TMC1: variants seen among roughly 807,000 people sequenced by gnomAD.
TMC1 encodes the protein transmembrane channel like 1, also known as transmembrane channel-like protein 1.
A neutral mutation model predicts 105.8 loss-of-function variants in TMC1; 84 were observed. The ratio of observed to expected loss-of-function variants is 0.79; its 90% confidence interval spans 0.67 to 0.95. TMC1 has a LOEUF of 0.95. Among genes scored for constraint, TMC1 ranks in the 40% least tolerant of loss-of-function variants. TMC1 has a pLI of 0.00. For missense variants in TMC1, 817 were observed against 914.1 expected, an observed-to-expected ratio of 0.89 and a Z score of 1.37; for synonymous variants, 315 against 311.5, an observed-to-expected ratio of 1.01 and a Z score of -0.12.
intron 1 of TMC1, among the ~76,000 whole-genome samples, chr9:72,528,527 T>A (rs956074990): frequency 6.6e-6 from 1 of 151,954 alleles, no homozygotes; most frequent in African/African-American, 2.4e-5. Flanking sequence ...AGAGACAGGG[T>A]TTCTCCATGT....
At chr9:72,725,744 G>T (rs1827113444) in intron 8 of TMC1, among the ~76,000 whole-genome samples, 1 of 151,966 alleles carries the variant, frequency 6.6e-6, no homozygotes, top group Admixed American at 6.6e-5. Context: ...AGGCTGGAGT[G>T]CAGTGGCACG....
intron 4 of TMC1, among the ~76,000 whole-genome samples, chr9:72,634,151 G>C (rs1302526627): frequency 6.6e-6 from 1 of 152,170 alleles, no homozygotes; most frequent in African/African-American, 2.4e-5. Context: ...TATCCAAACT[G>C]TCTTCGCATG....
chr9:72,730,224 T>A (rs191606839), intron 8 of TMC1, among the ~76,000 whole-genome samples: 25 of 152,272 alleles, frequency 1.6e-4, no homozygotes, highest in Non-Finnish European at 1.6e-4. Context: ...ATAATTCTTG[T>A]TTTTATGGCC....
At chr9:72,673,900 A>G (rs1419568097) in intron 5 of TMC1, among the ~76,000 whole-genome samples, 1 of 152,168 alleles carries the variant, frequency 6.6e-6, no homozygotes, top group African/African-American at 2.4e-5. Context: ...AAGAGGAGGA[A>G]ATATTTCCCA....
rs539020387 is a variant in TMC1 at position 72,671,154 on chromosome 9, T to C, written c.17-17555T>C. Reference sequence around the variant, plus strand: ...AGGTTTGATGAAGAATGGATAGTCATGGAGAAATATAATGGGGCATATAAT... The same window carrying C: ...AGGTTTGATGAAGAATGGATAGTCACGGAGAAATATAATGGGGCATATAAT... On this transcript the variant is annotated intron_variant, in intron 5 of 23. Transcript: ENST00000297784. Among the ~76,000 whole-genome samples, 4 of 152,320 alleles carry C rather than the reference T, an allele frequency of 2.6e-5. No individual in the cohort carries two copies. In the East Asian group the frequency reaches 7.7e-4, roughly 29 times the overall value.
intron 8 of TMC1, among the ~76,000 whole-genome samples, chr9:72,731,165 T>C (rs972817672): frequency 4.6e-5 from 7 of 152,238 alleles, no homozygotes; most frequent in African/African-American, 1.7e-4. Flanking sequence ...CTGATGTCCA[T>C]TCATTCAATT....
rs73649749 is a variant in TMC1, at chr9:72,552,560, G to A, written c.-427-25342G>A. Among the ~76,000 whole-genome samples the A allele has an allele frequency of 2.1e-3, 326 of 152,230 alleles. 2 individuals carry two copies. Among genetic ancestry groups the A allele is most frequent in the African/African-American group, 7.6e-3 (315 of 41,540 alleles). On this transcript the variant is annotated intron_variant, in intron 1 of 23. Coordinates refer to ENST00000297784, the MANE Select transcript of TMC1 (RefSeq NM_138691.3). ...CCTTGGACTTTGTCAGGACACTCTG[G>A]TTACAGCACAACTTTGTGAACATGG...
At position 72,742,482 on chromosome 9, in the gene TMC1, A is replaced by G; in HGVS notation, c.492A>G (p.Lys164=). The change falls in exon 10 of 24, where the codon AAA becomes AAG. Residue 164 remains lysine (K), a synonymous_variant. Coordinates refer to ENST00000297784, the MANE Select transcript of TMC1 (RefSeq NM_138691.3). ...TCCTCCGTGATTTTGAGAACTTCAA[A>G]GCTGCGTGTGTCCCATGGGAAAATA... ...AKFLRDFENF[K]AACVPWENKI... 3.1e-6 allele frequency: 5 copies of G among 1,614,170 alleles called. No individual in the cohort carries two copies. Among genetic ancestry groups the G allele is most frequent in the Non-Finnish European group, 4.2e-6 (5 of 1,180,024 alleles).
At position 72,826,998 on chromosome 9, in the gene TMC1, T is replaced by C; in HGVS notation, c.2129+4T>C. 1.2e-6 allele frequency: 2 copies of C among 1,613,986 alleles called. No homozygotes were observed. The highest frequency in any genetic ancestry group is 2.2e-5 in the South Asian group (2 of 91,088). ...TTGCTGTCATTTTGGTGATGGTGTA[T>C]GTGCTTTTCCTCCTCATAGAAAGAG... is the stretch of plus-strand genomic sequence containing the variant. On this transcript the variant is annotated splice_donor_region_variant and intron_variant, in intron 21 of 23. Coordinates refer to ENST00000297784, the MANE Select transcript of TMC1 (RefSeq NM_138691.3).
At chr9:72,762,644 A>T (rs1028844651) in intron 12 of TMC1, among the ~76,000 whole-genome samples, 9 of 152,168 alleles carry the variant, frequency 5.9e-5, no homozygotes, top group Non-Finnish European at 8.8e-5. Context: ...AAATTTTCAA[A>T]TCCACCTAGA....
intron 13 of TMC1, among the ~76,000 whole-genome samples, chr9:72,787,827 A>G (rs1006426758): frequency 6.6e-6 from 1 of 152,128 alleles, no homozygotes; most frequent in Non-Finnish European, 1.5e-5. Context: ...TGTAATCTCT[A>G]TTTGGGATGA....
rs186864414 is a variant in TMC1, at chr9:72,803,148, A to C, written c.1567-2234A>C. On this transcript the variant is annotated intron_variant, in intron 17 of 23. Coordinates refer to ENST00000297784, the MANE Select transcript of TMC1 (RefSeq NM_138691.3). ...GCAATGGGGAAAGGATTCGCTATTTAATAAATGATGCTAAGAAAACTGGCT... is the reference window on the plus strand; with the variant it reads ...GCAATGGGGAAAGGATTCGCTATTTCATAAATGATGCTAAGAAAACTGGCT... Among the ~76,000 whole-genome samples, 108 of 152,356 alleles carry C rather than the reference A, an allele frequency of 7.1e-4. 1 individual carries two copies. In the Middle Eastern group the frequency reaches 0.01, roughly 14 times the overall value.
intron 6 of TMC1, among the ~76,000 whole-genome samples, chr9:72,689,314 C>T (rs1045406533): frequency 6.6e-6 from 1 of 152,024 alleles, no homozygotes; most frequent in African/African-American, 2.4e-5. Flanking sequence ...CAAGGTAGGT[C>T]GGATGATTTC....
At chr9:72,708,311 T>C (rs937597721) in intron 8 of TMC1, among the ~76,000 whole-genome samples, 1 of 152,216 alleles carries the variant, frequency 6.6e-6, no homozygotes, top group Non-Finnish European at 1.5e-5. Context: ...ATGATGGTGG[T>C]ATTTTGATGA....
intron 6 of TMC1, 118 bp from the exon 7 acceptor site, chr9:72,694,425 A>T: frequency 1.2e-6 from 1 of 825,648 alleles, no homozygotes; most frequent in Non-Finnish European, 2.0e-6. Flanking sequence ...CACGATGTGG[A>T]GAATTGCTAG....
intron 8 of TMC1, among the ~76,000 whole-genome samples, chr9:72,722,406 T>TG (rs1183002596): frequency 6.6e-6 from 1 of 152,236 alleles, no homozygotes; most frequent in Non-Finnish European, 1.5e-5. Flanking sequence ...TGGCATCCTA[T>TG]GCTTCTTCCA....
chr9:72,774,863 T>C (rs1452632424), intron 13 of TMC1, among the ~76,000 whole-genome samples: 1 of 152,204 alleles, frequency 6.6e-6, no homozygotes, highest in Admixed American at 6.5e-5. Flanking sequence ...CAGTCAAATA[T>C]TCTCTTGGAA....
intron 1 of TMC1, among the ~76,000 whole-genome samples, chr9:72,546,394 G>C (rs1444352342): frequency 6.6e-6 from 1 of 152,164 alleles, no homozygotes; most frequent in East Asian, 1.9e-4. Flanking sequence ...TGAAAACATT[G>C]ACATTATTTA....
intron 2 of TMC1, among the ~76,000 whole-genome samples, chr9:72,598,371 G>C (rs2132110476): frequency 6.6e-6 from 1 of 152,062 alleles, no homozygotes; most frequent in South Asian, 2.1e-4. Context: ...GAACGTGAAT[G>C]ATATCCTTCT....
Sources: gnomAD v4.1 joint callset for allele counts (sites outside exome capture counted in the v4.1 genomes callset) on GRCh38, gnomAD v4.1.1 for gene constraint, MANE v1.5 for transcripts, NCBI Gene and HGNC (gene_info 2026-07-23, HGNC 2026-07-21) for gene names.